Variants in CDK14 observed in about 807,000 individuals in gnomAD.
CDK14 encodes cyclin dependent kinase 14, also known as cyclin-dependent kinase 14.
A neutral mutation model predicts 60.7 loss-of-function variants in CDK14; 34 were observed. That is an observed-to-expected ratio of 0.56 (90% CI 0.43 to 0.75). The LOEUF (loss-of-function observed/expected upper bound fraction) is 0.75. Ranked by LOEUF, CDK14 falls within the 30% of genes least tolerant of loss-of-function variation. CDK14 has a pLI of 0.00. For missense variants in CDK14, 482 were observed against 564.1 expected, an observed-to-expected ratio of 0.85 and a Z score of 1.47; for synonymous variants, 197 against 203.7, an observed-to-expected ratio of 0.97 and a Z score of 0.28.
intron 2 of CDK14, among the ~76,000 whole-genome samples, chr7:90,674,526 C>T (rs747178903): frequency 9.9e-5 from 15 of 152,200 alleles, no homozygotes; most frequent in South Asian, 4.1e-4. Context: ...GAGCTATAGA[C>T]GAACCTCAGT....
chr7:90,756,347 T>G (rs1282050578), intron 4 of CDK14, among the ~76,000 whole-genome samples: 1 of 152,272 alleles, frequency 6.6e-6, no homozygotes, highest in African/African-American at 2.4e-5. Flanking sequence ...AAGATTTATT[T>G]CAAAATCTTG....
chr7:91,023,232 C>G (rs191144696), intron 10 of CDK14, among the ~76,000 whole-genome samples: 1 of 152,254 alleles, frequency 6.6e-6, no homozygotes, highest in East Asian at 1.9e-4. Flanking sequence ...ACACAATTTA[C>G]TGTTTTTCAT....
intron 10 of CDK14, among the ~76,000 whole-genome samples, chr7:91,020,365 A>G (rs1754799725): frequency 6.6e-6 from 1 of 152,202 alleles, no homozygotes; most frequent in Non-Finnish European, 1.5e-5. Context: ...CATGCAACCA[A>G]TATTTTTACC....
rs144472688 is a variant in CDK14, at chr7:91,019,388, T to A, written c.1042-26509T>A. Reference sequence around the variant, plus strand: ...TTACACCAAATAGATCTAGCTTTGATCTGTTTTCAATTTTGACTGAATTAT... The same window carrying A: ...TTACACCAAATAGATCTAGCTTTGAACTGTTTTCAATTTTGACTGAATTAT... On this transcript the variant is annotated intron_variant, in intron 10 of 14. Coordinates refer to ENST00000380050, the MANE Select transcript of CDK14 (RefSeq NM_001287135.2). Among the ~76,000 whole-genome samples, 3 of 152,346 alleles carry A rather than the reference T, an allele frequency of 2.0e-5. No individual in the cohort carries two copies. The East Asian group carries it at 5.8e-4, about 29-fold the overall frequency.
intron 5 of CDK14, among the ~76,000 whole-genome samples, chr7:90,841,202 G>T (rs996167746): frequency 2.0e-5 from 3 of 152,014 alleles, no homozygotes; most frequent in Admixed American, 6.6e-5. Flanking sequence ...TTAGAACATT[G>T]CAACTATTCT....
chr7:90,799,776 T>G (rs1788569406), intron 5 of CDK14, among the ~76,000 whole-genome samples: 1 of 152,020 alleles, frequency 6.6e-6, no homozygotes, highest in Non-Finnish European at 1.5e-5. Flanking sequence ...TCTGCTAGAT[T>G]TTATGTAGAA....
intron 8 of CDK14, among the ~76,000 whole-genome samples, chr7:90,948,294 C>G (rs1249315417): frequency 6.6e-6 from 1 of 152,076 alleles, no homozygotes; most frequent in Non-Finnish European, 1.5e-5. Context: ...GAGATGTAAA[C>G]CAGTGAACTG....
At chr7:90,733,565 A>T (rs1015148077) in intron 3 of CDK14, among the ~76,000 whole-genome samples, 1 of 152,156 alleles carries the variant, frequency 6.6e-6, no homozygotes, top group Non-Finnish European at 1.5e-5. Flanking sequence ...TCCCTTTACC[A>T]TTAGTAATGT....
chr7:90,791,584 T>A (rs17163208), intron 5 of CDK14, among the ~76,000 whole-genome samples: 8 of 152,180 alleles, frequency 5.3e-5, no homozygotes, highest in Non-Finnish European at 1.2e-4. Context: ...TGTACAACTA[T>A]TGATATGATT....
intron 5 of CDK14, among the ~76,000 whole-genome samples, chr7:90,815,570 TATACCCAAA>T (rs1789315059): frequency 8.3e-6 from 1 of 120,258 alleles, no homozygotes; most frequent in African/African-American, 3.1e-5. Context: ...TTACTGGGTA[TATACCCAAA>T]GGATTATAAA....
intron 10 of CDK14, among the ~76,000 whole-genome samples, chr7:91,022,565 A>C (rs1170089149): frequency 6.6e-6 from 1 of 152,248 alleles, no homozygotes; most frequent in Admixed American, 6.5e-5. Context: ...AATAGTAAAA[A>C]ATATTTATCT....
In CDK14 at chr7:91,041,478, C is replaced by A. The variant is rs1456955029; in HGVS notation, c.1042-4419C>A. Among the ~76,000 whole-genome samples, 5 of 152,250 alleles carry A rather than the reference C, an allele frequency of 3.3e-5. 1 individual carries two copies. The highest frequency in any genetic ancestry group is 7.4e-5 in the Non-Finnish European group (5 of 68,004). ...GCCCCCAAACTTGCTTTATGTCTGGCATTCTTGATTTCAGCTAATAACTTC... is the reference window on the plus strand; with the variant it reads ...GCCCCCAAACTTGCTTTATGTCTGGAATTCTTGATTTCAGCTAATAACTTC... On this transcript the variant is annotated intron_variant, in intron 10 of 14. Coordinates refer to ENST00000380050, the MANE Select transcript of CDK14 (RefSeq NM_001287135.2).
chr7:90,627,283 C>T (rs887890843), intron 2 of CDK14, among the ~76,000 whole-genome samples: 1 of 151,770 alleles, frequency 6.6e-6, no homozygotes, highest in African/African-American at 2.4e-5. Flanking sequence ...AATCATGGCT[C>T]ACTGTAGTGT....
At chr7:90,777,671 G>C (rs1005750432) in intron 4 of CDK14, among the ~76,000 whole-genome samples, 12 of 152,160 alleles carry the variant, frequency 7.9e-5, no homozygotes, top group Non-Finnish European at 1.6e-4. Flanking sequence ...CCCTCTCCAT[G>C]CTTTGCCTAG....
chr7:91,151,595 A>G (rs1800829197), intron 14 of CDK14, among the ~76,000 whole-genome samples: 1 of 152,148 alleles, frequency 6.6e-6, no homozygotes, highest in Non-Finnish European at 1.5e-5. Context: ...AATATTTGCC[A>G]TGCTTTTACA....
rs1004321850 is a variant in CDK14 at position 90,596,568 on chromosome 7, C to T, written c.-60C>T. The stretch of plus-strand genomic sequence containing the variant: ...CTTTCCCCGCGGCGCGCGCCCTCGC[C>T]GTTGTCTGAGCTGTGCCTGGACCAG... On this transcript the variant is annotated 5_prime_UTR_variant, in exon 1 of 15. Transcript: ENST00000380050. The T allele has an allele frequency of 6.9e-7, 1 of 1,444,862 alleles. No homozygotes were observed. 89.5% of individuals were successfully genotyped at this position (1,444,862 alleles called of 1,614,324 possible). A position where few individuals can be genotyped will look rare whatever the true frequency, so the allele number is the denominator to read the frequency against.
intron 12 of CDK14, among the ~76,000 whole-genome samples, chr7:91,109,452 C>T (rs1799412597): frequency 6.6e-6 from 1 of 152,032 alleles, no homozygotes; most frequent in Middle Eastern, 3.4e-3. Flanking sequence ...TTACCAATTA[C>T]ATGGAAATAG....
intron 6 of CDK14, among the ~76,000 whole-genome samples, chr7:90,870,546 A>G (rs762888753): frequency 6.6e-6 from 1 of 152,212 alleles, no homozygotes; most frequent in African/African-American, 2.4e-5. Flanking sequence ...TAGGGAATAC[A>G]TTCGGATACA....
chr7:91,173,589 G>C (rs1223520700), intron 14 of CDK14, among the ~76,000 whole-genome samples: 1 of 152,250 alleles, frequency 6.6e-6, no homozygotes, highest in African/African-American at 2.4e-5. Context: ...GCGCAGGTCA[G>C]TGGGTGCATG....
Sources: allele counts gnomAD v4.1 joint callset (sites outside exome capture counted in the v4.1 genomes callset), GRCh38; gene constraint gnomAD v4.1.1; transcripts MANE v1.5; gene names NCBI Gene and HGNC (gene_info 2026-07-23, HGNC 2026-07-21).